The following SVOP variants were observed in gnomAD, a reference collection of about 807,000 sequenced individuals.
SVOP encodes the protein synaptic vesicle 2-related protein.
Under a neutral mutation model 69.1 loss-of-function variants are expected in SVOP, and 17 were observed. The ratio of observed to expected loss-of-function variants is 0.25; its 90% CI spans 0.17 to 0.37. The LOEUF is 0.37. SVOP is among the 10% of genes least tolerant of loss of function. The pLI, the probability that SVOP is intolerant of heterozygous loss-of-function variation, is 1.00. For missense variants in SVOP, 435 were observed against 597.5 expected (o/e 0.73, Z 2.84); for synonymous variants, 238 against 238.6 (o/e 1.00, Z 0.02).
chr12:108,919,563 A>G lies in SVOP; in HGVS notation c.1268+112T>C. ...CACCCACACTTGGGCCTGCACCTCC[A>G]CCTGGGCTTACATTAACACCTGGCC... On this transcript the variant is annotated intron_variant, in intron 13 of 15. Transcript: ENST00000610966. 2 of 762,906 alleles carry G rather than the reference A, an allele frequency of 2.6e-6. 1 individual carries two copies. Among genetic ancestry groups the G allele is most frequent in the South Asian group, 3.4e-5 (2 of 59,414 alleles). The allele number at this position is 762,906 out of a possible 1,614,324, so 47.3% of individuals were successfully genotyped here.
chr12:108,977,358 A>G, intron 4 of SVOP, 40 bp downstream of exon 4: 2 of 1,534,540 alleles, frequency 1.3e-6, no homozygotes, highest in South Asian at 2.4e-5. Context: ...CCAGGGGAGC[A>G]GAACTGTATG....
chr12:109,007,110 T>C (rs182129174), intron 1 of SVOP, among the ~76,000 whole-genome samples: 49 of 152,296 alleles, frequency 3.2e-4, no homozygotes, highest in Admixed American at 1.2e-3. Flanking sequence ...GGGAGGCTCC[T>C]CTGCCAGTGG....
chr12:108,956,064 G>A (rs2039983764), intron 6 of SVOP, among the ~76,000 whole-genome samples: 1 of 152,114 alleles, frequency 6.6e-6, no homozygotes, highest in African/African-American at 2.4e-5. Context: ...ACTTTGGGAG[G>A]CTGAGGTGGG....
At chr12:108,990,837 G>A (rs1480962765) in intron 1 of SVOP, among the ~76,000 whole-genome samples, 1 of 152,164 alleles carries the variant, frequency 6.6e-6, no homozygotes, top group Non-Finnish European at 1.5e-5. Flanking sequence ...GGCTGGTCAC[G>A]ACATGGATGG....
rs931222624 is a variant in SVOP, at chr12:108,909,015, T to C, written c.*3520A>G. On this transcript the variant is annotated 3_prime_UTR_variant, in exon 16 of 16. Transcript: ENST00000610966. ...AGAAAACCTTTTATGACTGCTCCTT[T>C]CCCATTCTACCTTCTTTGAAAAGAA... 4.6e-5 allele frequency: 7 copies of C among 152,158 alleles called. No individual in the cohort carries two copies. The highest frequency in any genetic ancestry group is 1.4e-4 in the African/African-American group (6 of 41,434). The allele number at this position is 152,158 out of a possible 1,614,324, so 9.4% of individuals were successfully genotyped here. A position where few individuals can be genotyped will look rare whatever the true frequency, so the allele number is the denominator to read the frequency against.
At position 108,919,757 on chromosome 12, in the gene SVOP, G is replaced by A. The variant is rs759878824; in HGVS notation, c.1186C>T (p.Arg396Cys). 116 of 1,602,556 alleles carry A rather than the reference G, an allele frequency of 7.2e-5. No individual in the cohort carries two copies. In the South Asian group the frequency reaches 7.8e-4, roughly 11 times the overall value. ...GCCATGGTCTTCTTGCGCCCCAGGC[G>A]GTCAATAATCCACAGAGTCACAAGG... is the stretch of plus-strand genomic sequence containing the variant. ...GVLVTLWIID[R>C]LGRKKTMALC... The change falls in exon 13 of 16, where the codon CGC becomes TGC. Residue 396 changes from arginine to cysteine, a missense_variant. Arg to Cys is a radical substitution (Grantham distance 180). Coordinates refer to ENST00000610966, the MANE Select transcript of SVOP (RefSeq NM_018711.5).
intron 15 of SVOP, among the ~76,000 whole-genome samples, chr12:108,913,625 G>A (rs1489407017): frequency 6.6e-6 from 1 of 152,146 alleles, no homozygotes; most frequent in African/African-American, 2.4e-5. Flanking sequence ...TTTGGCACAT[G>A]GCAAACAACA....
chr12:108,978,294 GA>G (rs1186990513), intron 3 of SVOP: 3 of 360,516 alleles, frequency 8.3e-6, no homozygotes, highest in Non-Finnish European at 1.5e-5. Flanking sequence ...CTCTACAGCT[GA>G]CATCATAATC....
At chr12:108,978,246 G>C (rs1044336382) in intron 3 of SVOP, among the ~76,000 whole-genome samples, 1 of 152,158 alleles carries the variant, frequency 6.6e-6, no homozygotes, top group African/African-American at 2.4e-5. Flanking sequence ...TGAAGCAGAA[G>C]GCACATTTCT....
At position 108,919,619 on chromosome 12, in the gene SVOP, T is replaced by A; in HGVS notation, c.1268+56A>T. 2.8e-6 allele frequency: 4 copies of A among 1,433,170 alleles called. No individual in the cohort carries two copies. In the South Asian group the frequency reaches 3.7e-5, roughly 13 times the overall value. 88.8% of individuals were successfully genotyped at this position (1,433,170 alleles called of 1,614,324 possible). On this transcript the variant is annotated intron_variant, in intron 13 of 15. Coordinates refer to ENST00000610966, the MANE Select transcript of SVOP (RefSeq NM_018711.5). Reference sequence around the variant, plus strand: ...ATCTACCTGGGCCTGCACCCACACCTGCACCCACACCTCCACCTGTGCTCA... The same window carrying A: ...ATCTACCTGGGCCTGCACCCACACCAGCACCCACACCTCCACCTGTGCTCA...
At chr12:109,013,601 G>T (rs2040353785) in intron 1 of SVOP, among the ~76,000 whole-genome samples, 1 of 152,014 alleles carries the variant, frequency 6.6e-6, no homozygotes, top group Non-Finnish European at 1.5e-5. Flanking sequence ...TGTTGGCCAG[G>T]CTGATCTTGA....
chr12:108,923,350 T>C (rs1333686078), intron 11 of SVOP, among the ~76,000 whole-genome samples: 1 of 152,188 alleles, frequency 6.6e-6, no homozygotes, highest in Non-Finnish European at 1.5e-5. Flanking sequence ...GTGGCCTATG[T>C]GGTGGCAAGG....
chr12:108,942,086 A>G (rs2039894795), intron 7 of SVOP, among the ~76,000 whole-genome samples: 1 of 152,236 alleles, frequency 6.6e-6, no homozygotes, highest in Non-Finnish European at 1.5e-5. Flanking sequence ...TATAAGTGGA[A>G]TCATACAGTA....
intron 5 of SVOP, among the ~76,000 whole-genome samples, chr12:108,964,117 G>A (rs2040032112): frequency 6.6e-6 from 1 of 152,104 alleles, no homozygotes; most frequent in Admixed American, 6.6e-5. Flanking sequence ...CACTTTGAGA[G>A]CTCGAGGCAA....
At chr12:108,977,328 G>A (rs2040111801) in intron 4 of SVOP, 70 bp downstream of exon 4, 7 of 1,495,606 alleles carry the variant, frequency 4.7e-6, no homozygotes, top group Middle Eastern at 4.4e-4. Context: ...CAGGAGAAGG[G>A]AGATATCCCA....
chr12:108,983,963 T>C (rs2040155001), intron 1 of SVOP, among the ~76,000 whole-genome samples: 1 of 152,216 alleles, frequency 6.6e-6, no homozygotes. Context: ...GACTGCCATA[T>C]ACAGTTGAGC....
At chr12:108,924,871 T>C (rs1172050172) in intron 11 of SVOP, among the ~76,000 whole-genome samples, 1 of 152,148 alleles carries the variant, frequency 6.6e-6, no homozygotes, top group Non-Finnish European at 1.5e-5. Context: ...TGAGTAGACA[T>C]AATAGATAAG....
chr12:108,935,827 C>G (rs1156466676), intron 10 of SVOP, among the ~76,000 whole-genome samples: 3 of 152,066 alleles, frequency 2.0e-5, no homozygotes, highest in African/African-American at 7.3e-5. Flanking sequence ...CCAAATACCA[C>G]CCCCAACCCA....
chr12:108,944,524 A>G (rs1318947282), intron 7 of SVOP, among the ~76,000 whole-genome samples: 3 of 152,304 alleles, frequency 2.0e-5, no homozygotes, highest in Non-Finnish European at 2.9e-5. Context: ...CAAATAAACC[A>G]TTCTGCCACT....
Sources: gnomAD v4.1 joint callset for allele counts (sites outside exome capture counted in the v4.1 genomes callset) on GRCh38, gnomAD v4.1.1 for gene constraint, MANE v1.5 for transcripts, NCBI Gene and HGNC (gene_info 2026-07-23, HGNC 2026-07-21) for gene names.